The following CPQ variants were observed in gnomAD, a reference collection of about 807,000 sequenced individuals.
The protein encoded by CPQ is Ser-Met dipeptidase.
Under a neutral mutation model 45.7 loss-of-function variants are expected in CPQ, and 37 were observed. The observed-to-expected ratio is 0.81, with a 90% CI of 0.62 to 1.07. CPQ has a LOEUF of 1.07. Ranked by LOEUF, CPQ falls within the 50% of genes least tolerant of loss-of-function variation. CPQ has a pLI of 0.00. For synonymous variants in CPQ, 186 were observed against 205.8 expected (o/e 0.90, Z 0.82); for missense variants, 537 against 572.9 (o/e 0.94, Z 0.64).
chr8:97,085,492 C>T (rs1426780918), intron 7 of CPQ, among the ~76,000 whole-genome samples: 1 of 152,068 alleles, frequency 6.6e-6, no homozygotes, highest in Non-Finnish European at 1.5e-5. Context: ...CAGGAAGTAT[C>T]TAGTACCTAG....
intron 1 of CPQ, among the ~76,000 whole-genome samples, chr8:96,685,357 G>A (rs1482614980): frequency 6.6e-6 from 1 of 151,838 alleles, no homozygotes; most frequent in East Asian, 1.9e-4. Flanking sequence ...GGTACTTTAA[G>A]GGTTCTTATG....
intron 1 of CPQ, among the ~76,000 whole-genome samples, chr8:96,679,545 C>T (rs2130727588): frequency 6.6e-6 from 1 of 152,134 alleles, no homozygotes; most frequent in African/African-American, 2.4e-5. Flanking sequence ...GTAAAGCCAT[C>T]TGCTCCTGGT....
chr8:97,008,311 C>T (rs1809423163), intron 5 of CPQ, among the ~76,000 whole-genome samples: 1 of 152,186 alleles, frequency 6.6e-6, no homozygotes, highest in African/African-American at 2.4e-5. Context: ...GAATTGATGG[C>T]TCAGTATTCT....
At position 97,029,476 on chromosome 8, in the gene CPQ, G is replaced by C. The variant is rs752745991; in HGVS notation, c.1035G>C (p.Gln345His). 2.5e-6 allele frequency: 4 copies of C among 1,605,492 alleles called. No homozygotes were observed. In the East Asian group the frequency reaches 8.9e-5, roughly 36 times the overall value. Reference sequence around the variant, plus strand: ...AACAAGGTGGAGTTGGTGCCTTCCAGTATTATCAGTTACACAAGGTAAAAA... The same window carrying C: ...AACAAGGTGGAGTTGGTGCCTTCCACTATTATCAGTTACACAAGGTAAAAA... The part of the protein sequence containing the change: ...AEEQGGVGAF[Q>H]YYQLHKVNIS... The change falls in exon 6 of 8, where the codon CAG becomes CAC. Residue 345 changes from glutamine (Q) to histidine (H), a missense_variant. Coordinates refer to ENST00000220763, the MANE Select transcript of CPQ (RefSeq NM_016134.4).
intron 1 of CPQ, among the ~76,000 whole-genome samples, chr8:96,676,908 T>C (rs112232750): frequency 0.024 from 3,686 of 152,146 alleles, 165 homozygotes; most frequent in African/African-American, 0.084. Context: ...CTCCCACTTA[T>C]AAATGAGGAC....
At chr8:97,088,844 A>G (rs1433145087) in intron 7 of CPQ, among the ~76,000 whole-genome samples, 2 of 152,230 alleles carry the variant, frequency 1.3e-5, no homozygotes, top group African/African-American at 4.8e-5. Context: ...AATTAAAACT[A>G]CCACATATAC....
intron 3 of CPQ, among the ~76,000 whole-genome samples, chr8:96,866,905 A>C (rs1293983087): frequency 6.6e-6 from 1 of 152,116 alleles, no homozygotes; most frequent in African/African-American, 2.4e-5. Context: ...ATAAAATGCC[A>C]TTTTACCAAT....
At chr8:96,984,955 G>A (rs1813984410) in intron 5 of CPQ, among the ~76,000 whole-genome samples, 1 of 152,192 alleles carries the variant, frequency 6.6e-6, no homozygotes, top group Non-Finnish European at 1.5e-5. Context: ...TCTTCCTGAA[G>A]TAGGACTCAT....
intron 7 of CPQ, among the ~76,000 whole-genome samples, chr8:97,125,599 T>C (rs191120389): frequency 3.1e-4 from 47 of 152,266 alleles, no homozygotes; most frequent in African/African-American, 1.1e-3. Flanking sequence ...ATCAATATAA[T>C]TTACCACATT....
At chr8:96,759,951 T>G (rs546273000) in intron 1 of CPQ, among the ~76,000 whole-genome samples, 2 of 152,218 alleles carry the variant, frequency 1.3e-5, no homozygotes, top group Non-Finnish European at 2.9e-5. Context: ...AACTGCAATT[T>G]AGAGAGGTTA....
intron 2 of CPQ, among the ~76,000 whole-genome samples, chr8:96,796,760 G>C (rs1019827505): frequency 6.6e-6 from 1 of 152,110 alleles, no homozygotes; most frequent in Non-Finnish European, 1.5e-5. Flanking sequence ...ATATGGATTG[G>C]TACTTCTGCT....
intron 5 of CPQ, among the ~76,000 whole-genome samples, chr8:97,015,551 G>C (rs752518931): frequency 1.3e-5 from 2 of 152,012 alleles, no homozygotes; most frequent in African/African-American, 2.4e-5. Flanking sequence ...ATATAGTGTA[G>C]AAAAATAGAT....
chr8:96,948,468 A>G (rs1302271699), intron 4 of CPQ, among the ~76,000 whole-genome samples: 2 of 151,948 alleles, frequency 1.3e-5, no homozygotes, highest in Non-Finnish European at 2.9e-5. Context: ...TTCTTTTGCT[A>G]TTGATTTCTG....
intron 2 of CPQ, among the ~76,000 whole-genome samples, chr8:96,799,390 A>G (rs751271232): frequency 3.9e-5 from 6 of 152,240 alleles, no homozygotes; most frequent in Non-Finnish European, 7.3e-5. Context: ...CCATCATCAG[A>G]TAAGTAATTA....
chr8:97,089,940 C>A (rs544305273), intron 7 of CPQ, among the ~76,000 whole-genome samples: 3 of 152,102 alleles, frequency 2.0e-5, no homozygotes, highest in Non-Finnish European at 4.4e-5. Flanking sequence ...AGTTCCCCTG[C>A]GGGCTAAGAA....
intron 1 of CPQ, among the ~76,000 whole-genome samples, chr8:96,660,144 C>A (rs1426915927): frequency 6.6e-6 from 1 of 152,194 alleles, no homozygotes; most frequent in Non-Finnish European, 1.5e-5. Context: ...GGTTAAACAA[C>A]AGAAATGAAT....
intron 7 of CPQ, among the ~76,000 whole-genome samples, chr8:97,102,582 A>T (rs1195210800): frequency 6.6e-6 from 1 of 152,160 alleles, no homozygotes; most frequent in Non-Finnish European, 1.5e-5. Flanking sequence ...GCCTGAGTTC[A>T]GGTATCAGCT....
intron 1 of CPQ, among the ~76,000 whole-genome samples, chr8:96,705,982 T>C (rs932014544): frequency 6.6e-6 from 1 of 152,086 alleles, no homozygotes; most frequent in African/African-American, 2.4e-5. Context: ...GGCCTTCCTC[T>C]CCTCCCAGTT....
At chr8:96,871,047 A>T (rs539994867) in intron 3 of CPQ, among the ~76,000 whole-genome samples, 8 of 152,144 alleles carry the variant, frequency 5.3e-5, no homozygotes, top group African/African-American at 1.7e-4. Context: ...TGATGCACAG[A>T]TGCTGTTTGT....
Sources: allele counts gnomAD v4.1 joint callset (sites outside exome capture counted in the v4.1 genomes callset), GRCh38; gene constraint gnomAD v4.1.1; transcripts MANE v1.5; gene names NCBI Gene and HGNC (gene_info 2026-07-23, HGNC 2026-07-21).